The following MDGA2 variants were observed in gnomAD, a reference collection of about 807,000 sequenced individuals.
MDGA2 encodes MAM domain-containing glycosylphosphatidylinositol anchor protein 2.
A neutral mutation model predicts 117.8 loss-of-function variants in MDGA2; 40 were observed. The ratio of observed to expected loss-of-function variants is 0.34; its 90% CI spans 0.26 to 0.44. MDGA2 has a LOEUF of 0.44. MDGA2 is among the 20% of genes least tolerant of loss of function. The pLI is 1.00. For missense variants in MDGA2, 1,123 were observed against 1,250.6 expected (o/e 0.90, Z 1.54); for synonymous variants, 452 against 439.0 (o/e 1.03, Z -0.37).
chr14:47,670,661 C>A (rs1481489319), intron 1 of MDGA2, among the ~76,000 whole-genome samples: 1 of 152,042 alleles, frequency 6.6e-6, no homozygotes, highest in African/African-American at 2.4e-5. Context: ...GAAGCTACAT[C>A]GATTAGTTAT....
At chr14:47,137,049 T>C (rs957045153) in intron 4 of MDGA2, among the ~76,000 whole-genome samples, 1 of 152,198 alleles carries the variant, frequency 6.6e-6, no homozygotes, top group Admixed American at 6.5e-5. Flanking sequence ...GTGGCTTTTG[T>C]AAAGGATGCA....
chr14:47,297,926 T>C (rs1012379169), intron 2 of MDGA2, among the ~76,000 whole-genome samples: 1 of 152,122 alleles, frequency 6.6e-6, no homozygotes, highest in African/African-American at 2.4e-5. Flanking sequence ...AAAGCCAACA[T>C]ATGTTTCTAT....
At chr14:47,029,257 C>A (rs1352194747) in intron 8 of MDGA2, among the ~76,000 whole-genome samples, 1 of 152,104 alleles carries the variant, frequency 6.6e-6, no homozygotes, top group Non-Finnish European at 1.5e-5. Context: ...AAAAATAAAA[C>A]CCTGATCTCT....
chr14:47,539,147 G>A (rs1895286014), intron 1 of MDGA2, among the ~76,000 whole-genome samples: 1 of 152,174 alleles, frequency 6.6e-6, no homozygotes, highest in Non-Finnish European at 1.5e-5. Flanking sequence ...TTGCTCACCA[G>A]CAGAGCAGCA....
chr14:47,029,046 A>T (rs563912160), intron 8 of MDGA2, among the ~76,000 whole-genome samples: 1 of 152,246 alleles, frequency 6.6e-6, no homozygotes, highest in Non-Finnish European at 1.5e-5. Flanking sequence ...ACCTCAGTAC[A>T]CTAATTCTAT....
At chr14:47,351,391 C>T (rs2138348603) in intron 1 of MDGA2, among the ~76,000 whole-genome samples, 1 of 152,210 alleles carries the variant, frequency 6.6e-6, no homozygotes, top group East Asian at 1.9e-4. Flanking sequence ...CTGATCACAT[C>T]TTGAATTTCA....
At chr14:47,491,568 C>T (rs1894170315) in intron 1 of MDGA2, among the ~76,000 whole-genome samples, 1 of 152,076 alleles carries the variant, frequency 6.6e-6, no homozygotes, top group African/African-American at 2.4e-5. Context: ...ATGCAGAACT[C>T]ATAATAAAAA....
At chr14:46,988,436 G>A (rs1886948994) in intron 8 of MDGA2, among the ~76,000 whole-genome samples, 1 of 152,010 alleles carries the variant, frequency 6.6e-6, no homozygotes, top group Admixed American at 6.6e-5. Context: ...AAACACCAGG[G>A]AAGCAAAGGT....
At chr14:47,523,739 G>A (rs1303171845) in intron 1 of MDGA2, among the ~76,000 whole-genome samples, 1 of 152,080 alleles carries the variant, frequency 6.6e-6, no homozygotes, top group Non-Finnish European at 1.5e-5. Flanking sequence ...CTAGGGGTGA[G>A]TTCATTAAGC....
At chr14:47,463,051 C>A (rs1177319889) in intron 1 of MDGA2, among the ~76,000 whole-genome samples, 1 of 152,062 alleles carries the variant, frequency 6.6e-6, no homozygotes, top group South Asian at 2.1e-4. Flanking sequence ...CAGAAATAAA[C>A]TAAAATCTAA....
At chr14:47,139,879 C>T (rs1248594581) in intron 4 of MDGA2, among the ~76,000 whole-genome samples, 1 of 142,584 alleles carries the variant, frequency 7.0e-6, no homozygotes, top group Non-Finnish European at 1.5e-5. Context: ...TATACACACA[C>T]ACACATATAT....
intron 10 of MDGA2, among the ~76,000 whole-genome samples, chr14:46,896,036 C>T (rs555742612): frequency 2.0e-4 from 31 of 152,236 alleles, no homozygotes; most frequent in Admixed American, 8.5e-4. Context: ...AGCTACTATA[C>T]ACTTTGATGG....
chr14:47,055,985 A>T (rs1889660749), intron 7 of MDGA2, among the ~76,000 whole-genome samples: 1 of 152,144 alleles, frequency 6.6e-6, no homozygotes, highest in Non-Finnish European at 1.5e-5. Context: ...TCTGTTCAGT[A>T]CCTCAGATGC....
chr14:47,182,066 C>T (rs565870415), intron 3 of MDGA2, among the ~76,000 whole-genome samples: 4 of 152,152 alleles, frequency 2.6e-5, no homozygotes, highest in Non-Finnish European at 4.4e-5. Context: ...TAGTTTAACA[C>T]GTTAATCTAT....
At chr14:47,069,094 T>A (rs1407422966) in intron 6 of MDGA2, among the ~76,000 whole-genome samples, 1 of 152,118 alleles carries the variant, frequency 6.6e-6, no homozygotes, top group Non-Finnish European at 1.5e-5. Flanking sequence ...ACCCCAATAA[T>A]CCCTCAAACC....
rs373554755 is a variant in MDGA2 at position 47,565,590 on chromosome 14, G to C, written c.280+108927C>G. On this transcript the variant is annotated intron_variant, in intron 1 of 16. Coordinates refer to ENST00000399232, the MANE Select transcript of MDGA2 (RefSeq NM_001113498.3). ...GCCAGACAAAGTTCTTTGTTGAGTAGTAGCAGCAGGATCTGACTTCCTTGC... is the reference window on the plus strand; with the variant it reads ...GCCAGACAAAGTTCTTTGTTGAGTACTAGCAGCAGGATCTGACTTCCTTGC... Among the ~76,000 whole-genome samples the C allele has an allele frequency of 2.0e-4, 30 of 152,312 alleles. 1 individual carries two copies. Among genetic ancestry groups the C allele is most frequent in the East Asian group, 1.4e-3 (7 of 5,170 alleles).
chr14:46,893,181 C>G (rs1439989152), intron 10 of MDGA2, among the ~76,000 whole-genome samples: 4 of 151,954 alleles, frequency 2.6e-5, no homozygotes, highest in Non-Finnish European at 1.5e-5. Context: ...AAACAAGGTA[C>G]TGCTATTTGC....
chr14:47,517,063 C>T (rs1566494627), intron 1 of MDGA2, among the ~76,000 whole-genome samples: 2 of 152,118 alleles, frequency 1.3e-5, no homozygotes, highest in South Asian at 2.1e-4. Context: ...GTATTATTAA[C>T]AAATAGTTTA....
intron 1 of MDGA2, among the ~76,000 whole-genome samples, chr14:47,382,339 C>T (rs1328963667): frequency 6.6e-6 from 1 of 152,080 alleles, no homozygotes; most frequent in East Asian, 1.9e-4. Context: ...GCAACAAAAG[C>T]CAAAATTGAC....
Sources: allele counts gnomAD v4.1 joint callset (sites outside exome capture counted in the v4.1 genomes callset), GRCh38; gene constraint gnomAD v4.1.1; transcripts MANE v1.5; gene names NCBI Gene and HGNC (gene_info 2026-07-23, HGNC 2026-07-21).